KLRG1: variants seen among roughly 807,000 people sequenced by gnomAD.
KLRG1 encodes killer cell lectin like receptor G1.
Under a neutral mutation model 21.8 loss-of-function variants are expected in KLRG1, and 16 were observed. The observed-to-expected ratio is 0.73, with a 90% CI of 0.50 to 1.11. The LOEUF is 1.11. Ranked by LOEUF, KLRG1 falls within the 50% of genes most tolerant of loss-of-function variation. The probability of loss-of-function intolerance (pLI) is 0.00; values close to 1 mark genes in which losing one functional copy is unlikely to be tolerated. For missense variants in KLRG1, 173 were observed against 218.3 expected, an observed-to-expected ratio of 0.79 and a Z score of 1.31; for synonymous variants, 69 against 75.9, an observed-to-expected ratio of 0.91 and a Z score of 0.47.
At chr12:9,062,258 A>G in the KLRG1 span, among the ~76,000 whole-genome samples, 1 of 104,524 alleles carries the variant, frequency 9.6e-6, no homozygotes, top group Non-Finnish European at 1.9e-5. Flanking sequence ...ATATATTTAT[A>G]TATTGTATAA....
the KLRG1 span, among the ~76,000 whole-genome samples, chr12:9,017,515 A>T: frequency 6.6e-6 from 1 of 152,164 alleles, no homozygotes; most frequent in Non-Finnish European, 1.5e-5. Flanking sequence ...AACAAAAACC[A>T]TGTGATTATT....
At chr12:9,186,950 G>A in the KLRG1 span, among the ~76,000 whole-genome samples, 1 of 150,890 alleles carries the variant, frequency 6.6e-6, no homozygotes, top group African/African-American at 2.4e-5. Context: ...GTACACCTAT[G>A]TAACAAACCT....
chr12:9,149,963 C>G, the KLRG1 span, among the ~76,000 whole-genome samples: 2 of 152,168 alleles, frequency 1.3e-5, no homozygotes, highest in Non-Finnish European at 2.9e-5. Flanking sequence ...GCTTGAAACA[C>G]TCCTCCTACT....
At chr12:9,124,881 C>CA in the KLRG1 span, among the ~76,000 whole-genome samples, 1 of 152,234 alleles carries the variant, frequency 6.6e-6, no homozygotes, top group African/African-American at 2.4e-5. Context: ...TCCCGGCAGT[C>CA]AGTCCCTAGG....
At chr12:9,059,802 C>CCTGAGTA in the KLRG1 span, among the ~76,000 whole-genome samples, 1 of 152,108 alleles carries the variant, frequency 6.6e-6, no homozygotes, top group African/African-American at 2.4e-5. Flanking sequence ...ACCTCAGCCT[C>CCTGAGTA]CTGAGTAGCT....
chr12:8,989,616 G>C lies in KLRG1; in HGVS notation c.-20G>C. On this transcript the variant is annotated 5_prime_UTR_variant, in exon 1 of 5. It removes an upstream start codon present in the reference 5' UTR. Coordinates refer to ENST00000356986, the MANE Select transcript of KLRG1 (RefSeq NM_005810.4). ...TATAATTTAACTCTCTCAACTGCAT[G>C]TGAAAGATCTTAGCTGAAGATGACT... 1 of 1,532,926 alleles carries C rather than the reference G, an allele frequency of 6.5e-7. No homozygotes were observed. The highest frequency in any genetic ancestry group is 9.0e-7 in the Non-Finnish European group (1 of 1,108,962). 95.0% of individuals were successfully genotyped at this position (1,532,926 alleles called of 1,614,324 possible). A position where few individuals can be genotyped will look rare whatever the true frequency, so the allele number is the denominator to read the frequency against.
the KLRG1 span, among the ~76,000 whole-genome samples, chr12:9,172,246 T>G: frequency 6.6e-6 from 1 of 152,136 alleles, no homozygotes; most frequent in Non-Finnish European, 1.5e-5. Context: ...CAAACTAAGC[T>G]TCAAAAGCAA....
At chr12:8,964,440 A>G (rs1442127423) in intron 1 of KLRG1, among the ~76,000 whole-genome samples, 1 of 152,168 alleles carries the variant, frequency 6.6e-6, no homozygotes, top group Non-Finnish European at 1.5e-5. Flanking sequence ...TTTGCTGAGG[A>G]GTGCTTTACT....
the KLRG1 span, chr12:9,168,858 T>G: frequency 5.0e-6 from 8 of 1,584,762 alleles, no homozygotes; most frequent in Non-Finnish European, 6.9e-6. Context: ...AAAAGCAAAT[T>G]GCTGTTTTAC....
chr12:8,992,927 G>A (rs1358855742), intron 2 of KLRG1, among the ~76,000 whole-genome samples: 2 of 151,792 alleles, frequency 1.3e-5, no homozygotes, highest in African/African-American at 2.4e-5. Context: ...AGTTCTTATC[G>A]TAGTATGCTC....
the KLRG1 span, among the ~76,000 whole-genome samples, chr12:9,060,765 C>T: frequency 6.6e-6 from 1 of 152,136 alleles, no homozygotes; most frequent in Non-Finnish European, 1.5e-5. Context: ...GGATGCTAAC[C>T]AGATTTTAGA....
chr12:9,055,685 TCCAGCCAAGTCTTGTTTA>T, the KLRG1 span: 2 of 152,784 alleles, frequency 1.3e-5, no homozygotes, highest in African/African-American at 4.8e-5. Context: ...GTCTGGGGAT[TCCAGCCAAGTCTTGTTTA>T]TAGACACAAG....
the KLRG1 span, chr12:9,192,822 G>T: frequency 1.1e-6 from 1 of 928,248 alleles, no homozygotes; most frequent in South Asian, 1.6e-5. Flanking sequence ...AGTTACAACG[G>T]TGTCTTCCAC....
intron 3 of KLRG1, among the ~76,000 whole-genome samples, chr12:9,000,290 G>T (rs758166803): frequency 6.6e-6 from 1 of 152,134 alleles, no homozygotes; most frequent in Middle Eastern, 3.2e-3. Flanking sequence ...CTGGTAATGT[G>T]CATCTTTTGT....
At chr12:9,069,825 T>A in the KLRG1 span, 2 of 1,612,710 alleles carry the variant, frequency 1.2e-6, no homozygotes, top group Middle Eastern at 3.3e-4. Flanking sequence ...TGAAGAAAAT[T>A]GAAATACCAC....
the KLRG1 span, among the ~76,000 whole-genome samples, chr12:9,187,237 A>G: frequency 6.6e-6 from 1 of 152,150 alleles, no homozygotes; most frequent in African/African-American, 2.4e-5. Flanking sequence ...CTCCCACACA[A>G]TAATATTGAG....
the KLRG1 span, among the ~76,000 whole-genome samples, chr12:9,199,644 G>A: frequency 2.0e-5 from 3 of 151,956 alleles, no homozygotes; most frequent in Admixed American, 6.6e-5. Context: ...GATCTTCAGC[G>A]AAATGTCATT....
intron 1 of KLRG1, among the ~76,000 whole-genome samples, chr12:8,955,684 G>T (rs750227291): frequency 2.0e-5 from 3 of 151,920 alleles, no homozygotes; most frequent in Non-Finnish European, 2.9e-5. Context: ...GAGCCATCAA[G>T]CCTGGTCTTT....
chr12:9,115,677 G>T, the KLRG1 span: 1 of 996,960 alleles, frequency 1.0e-6, no homozygotes, highest in Non-Finnish European at 1.6e-6. Flanking sequence ...CAGTATCATA[G>T]GAAAGAAAAA....
Sources: gnomAD v4.1 joint callset for allele counts (sites outside exome capture counted in the v4.1 genomes callset) on GRCh38, gnomAD v4.1.1 for gene constraint, MANE v1.5 for transcripts, NCBI Gene and HGNC (gene_info 2026-07-23, HGNC 2026-07-21) for gene names.